Variants in CSMD1 observed in about 807,000 individuals in gnomAD.
The protein encoded by CSMD1 is CUB and sushi domain-containing protein 1.
A neutral mutation model predicts 417.5 loss-of-function variants in CSMD1; 213 were observed. That is an observed-to-expected ratio of 0.51 (90% CI 0.46 to 0.57). The LOEUF is 0.57. CSMD1 is among the 20% of genes least tolerant of loss of function. CSMD1 has a pLI of 0.00. For synonymous variants in CSMD1, 2,862 were observed against 1,736.8 expected, an observed-to-expected ratio of 1.65 and a Z score of -16.11; for missense variants, 6,923 against 4,529.7, an observed-to-expected ratio of 1.53 and a Z score of -15.17.
At chr8:4,641,774 A>G (rs1007258670) in intron 1 of CSMD1, among the ~76,000 whole-genome samples, 1 of 152,224 alleles carries the variant, frequency 6.6e-6, no homozygotes, top group Non-Finnish European at 1.5e-5. Context: ...GTGAGTAAAT[A>G]CAGACATTCG....
intron 1 of CSMD1, among the ~76,000 whole-genome samples, chr8:4,799,399 T>C (rs1324162316): frequency 1.3e-5 from 2 of 151,642 alleles, no homozygotes; most frequent in African/African-American, 4.8e-5. Context: ...ATAGTCATCC[T>C]CAGCCCGGCC....
intron 1 of CSMD1, among the ~76,000 whole-genome samples, chr8:4,964,282 G>C (rs1209505752): frequency 6.6e-6 from 1 of 151,900 alleles, no homozygotes; most frequent in East Asian, 1.9e-4. Flanking sequence ...GGGAGGCAAA[G>C]GGGGGCAAAT....
intron 26 of CSMD1, among the ~76,000 whole-genome samples, chr8:3,277,216 G>A (rs1802360944): frequency 6.6e-6 from 1 of 152,130 alleles, no homozygotes; most frequent in African/African-American, 2.4e-5. Flanking sequence ...AGAGGGTTTT[G>A]TGGCCTTATT....
At chr8:4,903,210 C>T (rs114261827) in intron 1 of CSMD1, among the ~76,000 whole-genome samples, 3,040 of 152,188 alleles carry the variant, frequency 0.02, 89 homozygotes, top group African/African-American at 0.067. Context: ...TAAAACAGTG[C>T]TTCTCTCTGA....
chr8:4,543,342 C>T (rs55788529), intron 2 of CSMD1, among the ~76,000 whole-genome samples: 51,938 of 151,884 alleles, frequency 0.34, 9,829 homozygotes, highest in East Asian at 0.49. Flanking sequence ...ATCCTTTTAG[C>T]GTCCCCATAG....
Position 3,705,019 on chromosome 8 carries a change from C to T in CSMD1, c.1009+3395G>A, listed in dbSNP as rs1259139593. 1.3e-5 allele frequency among the ~76,000 whole-genome samples: 2 copies of T among 152,268 alleles called. 1 individual carries two copies. The highest frequency in any genetic ancestry group is 6.8e-3 in the Middle Eastern group (2 of 294). ...ACTTGCCCTCTCGAATTCACCAAAA[C>T]CTTGAACATTTTCTATCACCATGAC... On this transcript the variant is annotated intron_variant, in intron 7 of 69. Coordinates refer to ENST00000635120, the MANE Select transcript of CSMD1 (RefSeq NM_033225.6).
At chr8:3,833,658 G>A (rs1802498370) in intron 5 of CSMD1, among the ~76,000 whole-genome samples, 1 of 151,970 alleles carries the variant, frequency 6.6e-6, no homozygotes, top group East Asian at 1.9e-4. Context: ...GTTTGTATGG[G>A]ACAACTTTAA....
At chr8:4,538,174 C>T (rs1231151957) in intron 2 of CSMD1, among the ~76,000 whole-genome samples, 2 of 146,526 alleles carry the variant, frequency 1.4e-5, no homozygotes, top group African/African-American at 5.1e-5. Context: ...GTGTAACATG[C>T]AACTGGAGGT....
intron 46 of CSMD1, among the ~76,000 whole-genome samples, chr8:3,103,253 G>T (rs973965439): frequency 6.6e-6 from 1 of 152,116 alleles, no homozygotes; most frequent in Non-Finnish European, 1.5e-5. Flanking sequence ...CCTGTAACCA[G>T]TTATAGAAAT....
intron 37 of CSMD1, among the ~76,000 whole-genome samples, chr8:3,179,394 G>A (rs369129728): frequency 6.6e-6 from 1 of 152,140 alleles, no homozygotes; most frequent in South Asian, 2.1e-4. Flanking sequence ...GTGGCATTAT[G>A]TTTAGCCCAA....
intron 3 of CSMD1, among the ~76,000 whole-genome samples, chr8:4,109,909 T>C (rs1270474264): frequency 6.6e-6 from 1 of 152,122 alleles, no homozygotes; most frequent in Non-Finnish European, 1.5e-5. Context: ...TTCCAGGCAA[T>C]TTGGGCACAG....
intron 1 of CSMD1, among the ~76,000 whole-genome samples, chr8:4,727,949 T>C (rs1449192707): frequency 1.3e-5 from 1 of 79,338 alleles, no homozygotes; most frequent in Non-Finnish European, 2.2e-5. Flanking sequence ...ACAAAATATA[T>C]ATATGTATAT....
intron 3 of CSMD1, among the ~76,000 whole-genome samples, chr8:4,408,158 C>A (rs1441986566): frequency 1.3e-5 from 2 of 152,186 alleles, no homozygotes; most frequent in African/African-American, 4.8e-5. Context: ...ATTTAAATGA[C>A]TACCAAAGCT....
chr8:4,707,289 G>C (rs1458000341), intron 1 of CSMD1, among the ~76,000 whole-genome samples: 2 of 152,108 alleles, frequency 1.3e-5, no homozygotes, highest in Non-Finnish European at 2.9e-5. Context: ...TTAAACATGA[G>C]GAAATTGAAG....
At chr8:3,808,604 C>A (rs1326119361) in intron 5 of CSMD1, among the ~76,000 whole-genome samples, 1 of 152,168 alleles carries the variant, frequency 6.6e-6, no homozygotes, top group African/African-American at 2.4e-5. Flanking sequence ...ACACTGCTGT[C>A]ACTATTATCA....
chr8:3,541,600 C>T (rs976943421), intron 10 of CSMD1, among the ~76,000 whole-genome samples: 18 of 147,942 alleles, frequency 1.2e-4, no homozygotes, highest in African/African-American at 4.0e-4. Flanking sequence ...ATAAAATACT[C>T]TAAAAATGGG....
chr8:4,104,269 A>G (rs1261242833), intron 3 of CSMD1, among the ~76,000 whole-genome samples: 2 of 152,230 alleles, frequency 1.3e-5, no homozygotes, highest in African/African-American at 4.8e-5. Flanking sequence ...ATCTCACTCC[A>G]TCTTTTCTTT....
chr8:3,450,663 C>T (rs1295666213), intron 12 of CSMD1, among the ~76,000 whole-genome samples: 5 of 151,846 alleles, frequency 3.3e-5, no homozygotes, highest in Non-Finnish European at 2.9e-5. Context: ...TTCATGGCTG[C>T]GTAGTATTCC....
intron 3 of CSMD1, among the ~76,000 whole-genome samples, chr8:4,122,091 G>A (rs1040978998): frequency 1.3e-5 from 2 of 151,714 alleles, no homozygotes; most frequent in Admixed American, 6.6e-5. Flanking sequence ...CAATATCATA[G>A]AAATATAATA....
Sources: allele counts gnomAD v4.1 joint callset (sites outside exome capture counted in the v4.1 genomes callset), GRCh38; gene constraint gnomAD v4.1.1; transcripts MANE v1.5; gene names NCBI Gene and HGNC (gene_info 2026-07-23, HGNC 2026-07-21).